The following DMXL2 variants were observed in gnomAD, a reference collection of about 807,000 sequenced individuals.
The protein encoded by DMXL2 is Dmx like 2, also known as dmX-like protein 2.
Under a neutral mutation model 331.1 loss-of-function variants are expected in DMXL2, and 103 were observed. The observed-to-expected ratio is 0.31, with a 90% CI of 0.27 to 0.37. The LOEUF is 0.37. DMXL2 is among the 10% of genes least tolerant of loss of function. The pLI, the probability that DMXL2 is intolerant of heterozygous loss-of-function variation, is 1.00. For synonymous variants in DMXL2, 1,281 were observed against 1,252.1 expected, an observed-to-expected ratio of 1.02 and a Z score of -0.49; for missense variants, 3,171 against 3,642.9, an observed-to-expected ratio of 0.87 and a Z score of 3.33.
chr15:51,593,011 G>A (rs2052510546), intron 1 of DMXL2, among the ~76,000 whole-genome samples: 2 of 152,160 alleles, frequency 1.3e-5, no homozygotes, highest in South Asian at 2.1e-4. Context: ...ATCAACTAAT[G>A]AGCAAAATAA....
chr15:51,465,199 CAGCCTGGGTAACATGAT>C (rs1312341754), intron 31 of DMXL2, among the ~76,000 whole-genome samples: 1 of 152,094 alleles, frequency 6.6e-6, no homozygotes, highest in Non-Finnish European at 1.5e-5. Context: ...AGTTCAAGAC[CAGCCTGGGTAACATGAT>C]GTAACTTTGT....
chr15:51,576,778 T>C (rs1361608763), intron 1 of DMXL2, among the ~76,000 whole-genome samples: 1 of 151,992 alleles, frequency 6.6e-6, no homozygotes, highest in South Asian at 2.1e-4. Flanking sequence ...ATCCCCAACA[T>C]CATCAGGCCT....
Position 51,509,932 on chromosome 15 carries a change from G to A in DMXL2, c.2645-2679C>T, listed in dbSNP as rs147419714. On this transcript the variant is annotated intron_variant, in intron 15 of 43. Coordinates refer to ENST00000560891, the MANE Select transcript of DMXL2 (RefSeq NM_001378457.1). Reference sequence around the variant, plus strand: ...CAAATCAATAAATGTACTCCATCACGTAAACAGAACCAATGACAAAAACCA... The same window carrying A: ...CAAATCAATAAATGTACTCCATCACATAAACAGAACCAATGACAAAAACCA... Among the ~76,000 whole-genome samples the A allele has an allele frequency of 4.8e-3, 735 of 152,134 alleles. 6 individuals carry two copies. The highest frequency in any genetic ancestry group is 0.017 in the African/African-American group (695 of 41,506).
intron 25 of DMXL2, among the ~76,000 whole-genome samples, chr15:51,479,565 C>G (rs1263443076): frequency 6.6e-6 from 1 of 152,170 alleles, no homozygotes; most frequent in Non-Finnish European, 1.5e-5. Context: ...CCATTTGTGA[C>G]CAGTCATGCT....
intron 37 of DMXL2, among the ~76,000 whole-genome samples, chr15:51,456,943 G>A (rs550128325): frequency 5.9e-5 from 9 of 152,240 alleles, no homozygotes; most frequent in African/African-American, 1.9e-4. Flanking sequence ...AGGCTGAAGC[G>A]GGTAGATCAC....
In DMXL2 at chr15:51,456,138, C is replaced by T. The variant is rs369687812; in HGVS notation, c.8454G>A (p.Gln2818=). 5.0e-6 allele frequency: 8 copies of T among 1,614,064 alleles called. No homozygotes were observed. The African/African-American group carries it at 1.1e-4, about 22-fold the overall frequency. ...CAGCTTGACGAAAGCAGACAAGTTG[C>T]TGAGGCCGCGTCCATTCAAACATTC... ...SVRMFEWTRP[Q]QLVCFRQAGN... is the part of the protein sequence containing the mutation. Residue 2818 remains glutamine (Q), a synonymous_variant, in exon 39 of 44, where the codon CAG becomes CAA. Coordinates refer to ENST00000560891, the MANE Select transcript of DMXL2 (RefSeq NM_001378457.1).
intron 6 of DMXL2, among the ~76,000 whole-genome samples, chr15:51,560,224 T>C (rs2049865986): frequency 1.3e-5 from 2 of 152,084 alleles, no homozygotes; most frequent in Admixed American, 6.5e-5. Context: ...TCACTATATA[T>C]TGTGGATATT....
chr15:51,497,987 C>T (rs1458998197), intron 18 of DMXL2, among the ~76,000 whole-genome samples: 1 of 152,140 alleles, frequency 6.6e-6, no homozygotes, highest in African/African-American at 2.4e-5. Context: ...AATCCCAGCA[C>T]TGTGGGAGGC....
chr15:51,605,041 CA>C (rs142259531), intron 1 of DMXL2, among the ~76,000 whole-genome samples: 44 of 149,862 alleles, frequency 2.9e-4, no homozygotes, highest in African/African-American at 9.3e-4. Flanking sequence ...GTTCATATAT[CA>C]AAAAAAAAAT....
Position 51,499,224 on chromosome 15 carries a change from A to G in DMXL2, c.4000T>C (p.Phe1334Leu). The G allele has an allele frequency of 6.2e-7, 1 of 1,614,080 alleles. No individual in the cohort carries two copies. The highest frequency in any genetic ancestry group is 8.5e-7 in the Non-Finnish European group (1 of 1,180,022). Residue 1334 changes from phenylalanine (F) to leucine (L), a missense_variant, in exon 18 of 44, where the codon TTT becomes CTT. Around this residue, in one of 7 missense-constraint regions of DMXL2, gnomAD observed 1,674 missense variants for 1,780.2 expected, o/e 0.94. Coordinates refer to ENST00000560891, the MANE Select transcript of DMXL2 (RefSeq NM_001378457.1). ...SPTVIQDGGL[F>L]EAAHVLSPTL... The stretch of plus-strand genomic sequence containing the variant: ...GGGGAAAGTACATGTGCAGCCTCAA[A>G]TAAGCCACCATCTTGAATTACAGTT...
At chr15:51,527,734 AAAG>A (rs1282271546) in intron 13 of DMXL2, among the ~76,000 whole-genome samples, 1 of 152,160 alleles carries the variant, frequency 6.6e-6, no homozygotes, top group East Asian at 1.9e-4. Flanking sequence ...AAAAAAAAAA[AAAG>A]AAGTCATCTG....
rs1431280491 is a variant in DMXL2 at position 51,450,300 on chromosome 15, G to T, written c.8796C>A (p.Pro2932=). 3 of 1,613,884 alleles carry T rather than the reference G, an allele frequency of 1.9e-6. No individual in the cohort carries two copies. Among genetic ancestry groups the T allele is most frequent in the African/African-American group, 1.3e-5 (1 of 74,860 alleles). ...DHGATVLQYA[P]KQQLLISGGR... ...CCCCCGAGATTAGGAGTTGCTGTTT[G>T]GGTGCATACTGCAGTACCGTGGCAC... is the stretch of plus-strand genomic sequence containing the variant. The change falls in exon 43 of 44, where the codon CCC becomes CCA. Residue 2932 remains proline, a synonymous_variant. Transcript: ENST00000560891.
intron 1 of DMXL2, among the ~76,000 whole-genome samples, chr15:51,620,203 C>A (rs541838663): frequency 6.6e-6 from 1 of 152,150 alleles, no homozygotes; most frequent in East Asian, 1.9e-4. Context: ...CTGTTTTTCA[C>A]AAAGCCCAAG....
rs575530325 is a variant in DMXL2, at chr15:51,542,496, A to G, written c.942T>C (p.His314=). The G allele has an allele frequency of 2.5e-5, 41 of 1,612,788 alleles. No homozygotes were observed. In the East Asian group the frequency reaches 8.9e-4, roughly 35 times the overall value. Residue 314 remains histidine, a synonymous_variant, in exon 9 of 44, where the codon CAT becomes CAC. Coordinates refer to ENST00000560891, the MANE Select transcript of DMXL2 (RefSeq NM_001378457.1). ...TCTGTCCTTTCCTTAAATTTTTCAA[A>G]TGGTGTATTGTCTAAAATAGAAAAA... is the stretch of plus-strand genomic sequence containing the variant. ...RIQHALETIH[H]LKNLRKGQRR... is the part of the protein sequence containing the mutation.
Position 51,499,560 on chromosome 15 carries a change from T to C in DMXL2, c.3664A>G (p.Ile1222Val), listed in dbSNP as rs1307902702. The change falls in exon 18 of 44, where the codon ATC becomes GTC. Residue 1222 changes from isoleucine to valine, a missense_variant. This residue lies in a region of DMXL2 where 1,674 missense variants were observed against 1,780.2 expected (regional missense o/e 0.94). Transcript: ENST00000560891. ...CATCTTGACTTAACTCCTTGCTTGA[T>C]ACTACCACCTAGTGGTAAAGTGATG... Reference protein sequence around the residue: ...AVITLPLGGSIKQGVKSRWVL... With the variant: ...AVITLPLGGSVKQGVKSRWVL... 6.2e-7 allele frequency: 1 copy of C among 1,614,138 alleles called. No homozygotes were observed.
At position 51,576,328 on chromosome 15, in the gene DMXL2, T is replaced by G; in HGVS notation, c.88-147A>C. 6.7e-6 allele frequency: 4 copies of G among 595,812 alleles called. No homozygotes were observed. The South Asian group carries it at 1.5e-4, about 22-fold the overall frequency. 36.9% of individuals were successfully genotyped at this position (595,812 alleles called of 1,614,324 possible). The stretch of plus-strand genomic sequence containing the variant: ...CAAAATAGTTAATATAATATCAATT[T>G]CTAAATAAGAACATTAAAAGTCACA... On this transcript the variant is annotated intron_variant, in intron 1 of 43. Coordinates refer to ENST00000560891, the MANE Select transcript of DMXL2 (RefSeq NM_001378457.1).
intron 1 of DMXL2, 29 bp from the exon 2 acceptor site, chr15:51,576,210 C>T: frequency 2.3e-6 from 2 of 885,602 alleles, no homozygotes; most frequent in Non-Finnish European, 2.9e-6. Context: ...AAAAGTTTTA[C>T]AATACATAAG....
Position 51,507,115 on chromosome 15 carries a change from T to G in DMXL2, c.2764+19A>C. On this transcript the variant is annotated intron_variant, in intron 16 of 43. Coordinates refer to ENST00000560891, the MANE Select transcript of DMXL2 (RefSeq NM_001378457.1). ...AAATTTGTTATGTATCATCTCTGTA[T>G]AAAACTATAATTACTTACCTAAACA... 6.4e-7 allele frequency: 1 copy of G among 1,565,066 alleles called. No homozygotes were observed. Among genetic ancestry groups the G allele is most frequent in the African/African-American group, 1.4e-5 (1 of 73,450 alleles).
intron 6 of DMXL2, among the ~76,000 whole-genome samples, chr15:51,558,828 A>AT (rs1351377005): frequency 1.3e-5 from 2 of 152,248 alleles, no homozygotes; most frequent in Non-Finnish European, 2.9e-5. Context: ...AAAACTGCCC[A>AT]TATTTTAAGT....
Sources: allele counts gnomAD v4.1 joint callset (sites outside exome capture counted in the v4.1 genomes callset), GRCh38; gene constraint gnomAD v4.1.1; regional missense constraint gnomAD v4.1.1; transcripts MANE v1.5; gene names NCBI Gene and HGNC (gene_info 2026-07-23, HGNC 2026-07-21).